The following CDC14A variants were observed in gnomAD, a reference collection of about 807,000 sequenced individuals.
The protein encoded by CDC14A is dual specificity protein phosphatase CDC14A.
CDC14A carries 53 observed loss-of-function variants against 74.4 expected under a neutral mutation model. That is an observed-to-expected ratio of 0.71 (90% CI 0.57 to 0.89). The LOEUF is 0.89. CDC14A is among the 40% of genes least tolerant of loss of function. The pLI is 0.00. For synonymous variants in CDC14A, 247 were observed against 258.4 expected, an observed-to-expected ratio of 0.96 and a Z score of 0.43; for missense variants, 646 against 713.7, an observed-to-expected ratio of 0.91 and a Z score of 1.08.
chr1:100,407,777 A>C (rs1276965022), intron 4 of CDC14A, among the ~76,000 whole-genome samples: 2 of 152,182 alleles, frequency 1.3e-5, no homozygotes, highest in Non-Finnish European at 2.9e-5. Flanking sequence ...TTGTATCTCC[A>C]GTACTTAACA....
At chr1:100,389,945 TCTTATA>T (rs935123313) in intron 3 of CDC14A, among the ~76,000 whole-genome samples, 16 of 152,324 alleles carry the variant, frequency 1.1e-4, no homozygotes, top group African/African-American at 3.8e-4. Context: ...GTTCTCATTG[TCTTATA>T]CTTATTCGAG....
intron 8 of CDC14A, among the ~76,000 whole-genome samples, chr1:100,461,811 T>A (rs1298997198): frequency 1.3e-5 from 2 of 152,210 alleles, no homozygotes; most frequent in South Asian, 2.1e-4. Context: ...ACTAAAAAAA[T>A]TTATATTTTA....
At chr1:100,461,132 A>G (rs1667272594) in intron 8 of CDC14A, among the ~76,000 whole-genome samples, 1 of 152,248 alleles carries the variant, frequency 6.6e-6, no homozygotes, top group African/African-American at 2.4e-5. Flanking sequence ...GGGGGACAAA[A>G]GGGACAAAAG....
chr1:100,417,211 G>A (rs575063839), intron 4 of CDC14A, among the ~76,000 whole-genome samples: 1 of 152,272 alleles, frequency 6.6e-6, no homozygotes, highest in East Asian at 1.9e-4. Flanking sequence ...CCAAGGAAAC[G>A]GAGGAGGTGG....
chr1:100,431,335 C>A (rs1164909419), intron 5 of CDC14A, among the ~76,000 whole-genome samples: 1 of 151,566 alleles, frequency 6.6e-6, no homozygotes, highest in East Asian at 1.9e-4. Flanking sequence ...GGTTCCAGAT[C>A]AGTTTTACCA....
Position 100,467,986 on chromosome 1 carries a change from C to A in CDC14A, c.869C>A (p.Ala290Asp). ...CTTGGAAGAACAGGGACATTGATAG[C>A]CTGTTATGTAATGAAACACTACAGG... ...AGLGRTGTLI[A>D]CYVMKHYRFT... The change falls in exon 10 of 16, where the codon GCC (alanine) becomes GAC (aspartate). Residue 290 changes from alanine to aspartate, a missense_variant. Coordinates refer to ENST00000336454, the MANE Select transcript of CDC14A (RefSeq NM_003672.4). 6.2e-7 allele frequency: 1 copy of A among 1,607,158 alleles called. No homozygotes were observed. Among genetic ancestry groups the A allele is most frequent in the Non-Finnish European group, 8.5e-7 (1 of 1,177,684 alleles).
chr1:100,490,941 A>G (rs1460171466), intron 11 of CDC14A, among the ~76,000 whole-genome samples: 1 of 152,244 alleles, frequency 6.6e-6, no homozygotes, highest in African/African-American at 2.4e-5. Flanking sequence ...GTTGGAATTT[A>G]CAATGGTACA....
chr1:100,492,491 A>T (rs1670806358), intron 11 of CDC14A, among the ~76,000 whole-genome samples: 1 of 152,208 alleles, frequency 6.6e-6, no homozygotes, highest in East Asian at 1.9e-4. Context: ...TGTTGTAGAC[A>T]GGATGCAGCT....
intron 5 of CDC14A, among the ~76,000 whole-genome samples, chr1:100,435,438 A>G (rs971666536): frequency 4.6e-5 from 7 of 152,276 alleles, no homozygotes; most frequent in Admixed American, 1.3e-4. Flanking sequence ...AATGAGTCCA[A>G]AGTTTCTTTT....
chr1:100,444,464 G>C (rs992227162), intron 7 of CDC14A, among the ~76,000 whole-genome samples: 1 of 152,150 alleles, frequency 6.6e-6, no homozygotes, highest in African/African-American at 2.4e-5. Flanking sequence ...AAACTCTCCT[G>C]TCCTGGCATT....
chr1:100,373,653 G>T (rs929402778), intron 2 of CDC14A, among the ~76,000 whole-genome samples: 8 of 152,114 alleles, frequency 5.3e-5, no homozygotes, highest in Admixed American at 2.6e-4. Flanking sequence ...TTGTTGACTT[G>T]TCTTGGACTG....
chr1:100,457,643 TAA>T (rs1557779922), intron 8 of CDC14A, among the ~76,000 whole-genome samples: 6 of 147,836 alleles, frequency 4.1e-5, no homozygotes, highest in Non-Finnish European at 5.9e-5. Flanking sequence ...TTTTTTTTTT[TAA>T]TTTTTAGTAG....
intron 4 of CDC14A, among the ~76,000 whole-genome samples, chr1:100,418,490 C>G (rs566579924): frequency 6.6e-6 from 1 of 152,150 alleles, no homozygotes; most frequent in Non-Finnish European, 1.5e-5. Flanking sequence ...GACAAATTTA[C>G]CTGAAAAGGC....
intron 12 of CDC14A, 54 bp downstream of exon 12, chr1:100,494,984 A>G (rs1647575744): frequency 8.0e-6 from 7 of 873,650 alleles, no homozygotes; most frequent in Middle Eastern, 2.2e-4. Context: ...TGTGAATAGA[A>G]CATTTCATCT....
intron 5 of CDC14A, among the ~76,000 whole-genome samples, chr1:100,432,570 C>T (rs917506245): frequency 6.6e-6 from 1 of 152,076 alleles, no homozygotes; most frequent in Non-Finnish European, 1.5e-5. Context: ...AGTTTGAGAT[C>T]AGCCTGGACA....
At position 100,519,455 on chromosome 1, in the gene CDC14A, G is replaced by A. The variant is rs752195909; in HGVS notation, c.*1175G>A. 2.0e-5 allele frequency: 3 copies of A among 152,110 alleles called. No individual in the cohort carries two copies. Among genetic ancestry groups the A allele is most frequent in the Non-Finnish European group, 4.4e-5 (3 of 67,978 alleles). 9.4% of individuals were successfully genotyped at this position (152,110 alleles called of 1,614,324 possible). On this transcript the variant is annotated 3_prime_UTR_variant, in exon 16 of 16. Coordinates refer to ENST00000336454, the MANE Select transcript of CDC14A (RefSeq NM_003672.4). ...TTTCATTTCTATGAGGAATCGAGGAGCGTTACATCCTGATATCCTTCCAGG... is the reference window on the plus strand; with the variant it reads ...TTTCATTTCTATGAGGAATCGAGGAACGTTACATCCTGATATCCTTCCAGG...
upstream of CDC14A, chr1:100,351,560 G>C: frequency 6.6e-6 from 4 of 608,554 alleles, no homozygotes; most frequent in South Asian, 7.9e-5. Flanking sequence ...CTGAGACTAT[G>C]TAAAGAAATT....
rs1429132685 is a variant in CDC14A at position 100,412,720 on chromosome 1, ATATTT to A, written c.310-11498_310-11494del. On this transcript the variant is annotated intron_variant, in intron 4 of 15. Transcript: ENST00000336454. Reference sequence around the variant, plus strand: ...TTTATATATATATATATATATATATATATTTTATATATATATATTTTATATATATA... The same window carrying A: ...TTTATATATATATATATATATATATATATATATATATATTTTATATATATA... 1.0e-3 allele frequency among the ~76,000 whole-genome samples: 103 copies of A among 99,750 alleles called. 1 individual carries two copies. Among genetic ancestry groups the A allele is most frequent in the African/African-American group, 6.4e-3 (91 of 14,214 alleles). The allele number at this position is 99,750 out of a possible 152,430, so 65.4% of individuals were successfully genotyped here. A position where few individuals can be genotyped will look rare whatever the true frequency, so the allele number is the denominator to read the frequency against.
chr1:100,400,071 C>G (rs140313020), intron 4 of CDC14A, among the ~76,000 whole-genome samples: 212 of 152,146 alleles, frequency 1.4e-3, no homozygotes, highest in African/African-American at 5.0e-3. Flanking sequence ...GATAATGGAC[C>G]TATTGATTTT....
Sources: allele counts gnomAD v4.1 joint callset (sites outside exome capture counted in the v4.1 genomes callset), GRCh38; gene constraint gnomAD v4.1.1; transcripts MANE v1.5; gene names NCBI Gene and HGNC (gene_info 2026-07-23, HGNC 2026-07-21).